The following FARS2 variants were observed in gnomAD, a reference collection of about 807,000 sequenced individuals.
The protein encoded by FARS2 is phenylalanyl-tRNA synthetase 2, mitochondrial.
A neutral mutation model predicts 46.4 loss-of-function variants in FARS2; 40 were observed. The observed-to-expected ratio is 0.86, with a 90% CI of 0.67 to 1.12. The LOEUF (loss-of-function observed/expected upper bound fraction) is 1.12, where lower values mean the gene tolerates loss of function less well. Among genes scored for constraint, FARS2 ranks in the 50% most tolerant of loss-of-function variants. FARS2 has a pLI of 0.00. For missense variants in FARS2, 513 were observed against 567.9 expected (o/e 0.90, Z 0.98); for synonymous variants, 234 against 214.9 (o/e 1.09, Z -0.78).
chr6:5,321,945 T>C (rs916746861), intron 1 of FARS2, among the ~76,000 whole-genome samples: 1 of 152,248 alleles, frequency 6.6e-6, no homozygotes, highest in African/African-American at 2.4e-5. Flanking sequence ...AGTTATGTCT[T>C]ACATTATTTT....
intron 6 of FARS2, among the ~76,000 whole-genome samples, chr6:5,753,619 TC>T (rs759095428): frequency 2.0e-5 from 3 of 152,232 alleles, no homozygotes; most frequent in African/African-American, 4.8e-5. Flanking sequence ...CATGCCTTTG[TC>T]CTATCTGTTG....
intron 5 of FARS2, among the ~76,000 whole-genome samples, chr6:5,603,074 G>T (rs1223851461): frequency 1.3e-5 from 2 of 152,100 alleles, no homozygotes; most frequent in African/African-American, 4.8e-5. Context: ...GGCTGGTAAA[G>T]ATACAAGGGG....
At chr6:5,306,471 C>A (rs898586422) in intron 1 of FARS2, among the ~76,000 whole-genome samples, 3 of 152,148 alleles carry the variant, frequency 2.0e-5, no homozygotes, top group Middle Eastern at 3.2e-3. Context: ...TGATGTGAAC[C>A]TCGTAAGCTG....
intron 6 of FARS2, among the ~76,000 whole-genome samples, chr6:5,621,100 G>A (rs775303820): frequency 3.7e-4 from 57 of 152,154 alleles, no homozygotes; most frequent in Non-Finnish European, 6.2e-4. Context: ...GGGTATGGAG[G>A]CAAGATTCTG....
At chr6:5,732,030 G>A (rs186190432) in intron 6 of FARS2, among the ~76,000 whole-genome samples, 93 of 152,266 alleles carry the variant, frequency 6.1e-4, no homozygotes, top group Non-Finnish European at 1.2e-3. Flanking sequence ...TGCTGACCCC[G>A]TCACTGAGAC....
chr6:5,618,291 C>G (rs1451543616), intron 6 of FARS2, among the ~76,000 whole-genome samples: 1 of 152,144 alleles, frequency 6.6e-6, no homozygotes, highest in Non-Finnish European at 1.5e-5. Context: ...GCCCATCCTC[C>G]CCATCTCCCC....
intron 4 of FARS2, among the ~76,000 whole-genome samples, chr6:5,474,248 T>G (rs1765979954): frequency 6.6e-6 from 1 of 152,234 alleles, no homozygotes; most frequent in African/African-American, 2.4e-5. Flanking sequence ...CATTTGTTTG[T>G]TCATTAATGC....
chr6:5,369,287 C>T (rs1427032318), intron 2 of FARS2, 105 bp downstream of exon 2: 1 of 1,173,856 alleles, frequency 8.5e-7, no homozygotes, highest in Non-Finnish European at 1.2e-6. Flanking sequence ...CCTTGCTTGC[C>T]TTATTTTGCC....
chr6:5,377,582 A>T (rs1024520251), intron 2 of FARS2, among the ~76,000 whole-genome samples: 1 of 152,182 alleles, frequency 6.6e-6, no homozygotes. Context: ...TAAATTTTAT[A>T]CAAGAATGTG....
intron 1 of FARS2, among the ~76,000 whole-genome samples, chr6:5,279,275 G>A (rs138479691): frequency 0.02 from 3,007 of 151,136 alleles, 90 homozygotes; most frequent in African/African-American, 0.069. Flanking sequence ...TACTCGGGAG[G>A]CTGAGGCAGG....
chr6:5,398,269 A>G (rs1447566552), intron 2 of FARS2, among the ~76,000 whole-genome samples: 1 of 152,150 alleles, frequency 6.6e-6, no homozygotes, highest in Non-Finnish European at 1.5e-5. Flanking sequence ...TTTATTCTAA[A>G]GGTATTAATT....
At chr6:5,636,866 T>C (rs1776568950) in intron 6 of FARS2, among the ~76,000 whole-genome samples, 1 of 152,154 alleles carries the variant, frequency 6.6e-6, no homozygotes, top group African/African-American at 2.4e-5. Context: ...TGAGTTACTC[T>C]CCCTGAGCCA....
At chr6:5,447,557 G>A (rs1764251235) in intron 4 of FARS2, among the ~76,000 whole-genome samples, 1 of 152,154 alleles carries the variant, frequency 6.6e-6, no homozygotes, top group Non-Finnish European at 1.5e-5. Flanking sequence ...CCAGGGAAGT[G>A]GAAACTGTTA....
intron 4 of FARS2, among the ~76,000 whole-genome samples, chr6:5,527,942 G>A (rs1272602634): frequency 6.6e-6 from 1 of 152,204 alleles, no homozygotes; most frequent in Non-Finnish European, 1.5e-5. Flanking sequence ...ACATAATGCT[G>A]TACTGGGGGC....
chr6:5,674,855 G>C (rs1389532896), intron 6 of FARS2, among the ~76,000 whole-genome samples: 1 of 152,120 alleles, frequency 6.6e-6, no homozygotes, highest in Non-Finnish European at 1.5e-5. Context: ...ATTTTTTAAA[G>C]AAATTGCCTG....
At chr6:5,685,335 G>C (rs1380083512) in intron 6 of FARS2, among the ~76,000 whole-genome samples, 2 of 152,152 alleles carry the variant, frequency 1.3e-5, no homozygotes, top group African/African-American at 4.8e-5. Flanking sequence ...TCACACTAAA[G>C]TATTGAAAAG....
chr6:5,254,140 T>C, the FARS2 span, among the ~76,000 whole-genome samples: 2 of 152,236 alleles, frequency 1.3e-5, no homozygotes, highest in Admixed American at 1.3e-4. Flanking sequence ...CGGCAATGCC[T>C]GCAGCCAGCA....
chr6:5,278,818 C>G (rs189764227), intron 1 of FARS2, among the ~76,000 whole-genome samples: 52 of 152,300 alleles, frequency 3.4e-4, no homozygotes, highest in Middle Eastern at 3.4e-3. Context: ...TCTGTTTTCT[C>G]TCTCTGAAAG....
At position 5,601,631 on chromosome 6, in the gene FARS2, T is replaced by TGCCACTTACTG. The variant is rs550124621; in HGVS notation, c.1066-11535_1066-11525dup. Among the ~76,000 whole-genome samples the TGCCACTTACTG allele has an allele frequency of 1.1e-3, 160 of 152,008 alleles. 1 individual carries two copies. Among genetic ancestry groups the TGCCACTTACTG allele is most frequent in the African/African-American group, 3.0e-3 (125 of 41,414 alleles). On this transcript the variant is annotated intron_variant, in intron 5 of 6. Coordinates refer to ENST00000274680, the MANE Select transcript of FARS2 (RefSeq NM_006567.5). ...GTAGACCTGCATTTGACCTTGGCTC[T>TGCCACTTACTG]GCCACTTACTGGCTGTTGGACCTTA...
Sources: gnomAD v4.1 joint callset for allele counts (sites outside exome capture counted in the v4.1 genomes callset) on GRCh38, gnomAD v4.1.1 for gene constraint, MANE v1.5 for transcripts, NCBI Gene and HGNC (gene_info 2026-07-23, HGNC 2026-07-21) for gene names.